The following DPYSL5 variants were observed in gnomAD, a reference collection of about 807,000 sequenced individuals.
The protein encoded by DPYSL5 is dihydropyrimidinase like 5, also known as dihydropyrimidinase-related protein 5.
DPYSL5 carries 9 observed loss-of-function variants against 58.4 expected under a neutral mutation model. The observed-to-expected ratio is 0.15, with a 90% confidence interval of 0.09 to 0.27. The LOEUF (loss-of-function observed/expected upper bound fraction) is 0.27, where lower values mean the gene tolerates loss of function less well. Among genes scored for constraint, DPYSL5 ranks in the 10% least tolerant of loss-of-function variants. The probability of loss-of-function intolerance (pLI) is 1.00; values close to 1 mark genes in which losing one functional copy is unlikely to be tolerated. For synonymous variants in DPYSL5, 293 were observed against 301.9 expected (o/e 0.97, Z 0.31); for missense variants, 499 against 770.6 (o/e 0.65, Z 4.17).
chr2:26,853,385 T>C (rs1665802156), intron 1 of DPYSL5, among the ~76,000 whole-genome samples: 1 of 152,194 alleles, frequency 6.6e-6, no homozygotes, highest in Non-Finnish European at 1.5e-5. Flanking sequence ...AGTTATTTAT[T>C]TCACAAACAC....
At chr2:26,941,453 T>C (rs1025719642) in intron 9 of DPYSL5, among the ~76,000 whole-genome samples, 8 of 152,214 alleles carry the variant, frequency 5.3e-5, no homozygotes, top group Non-Finnish European at 1.0e-4. Context: ...AGATCTAAAA[T>C]AGTATGAGCC....
At chr2:26,862,020 A>G (rs1666029418) in intron 1 of DPYSL5, among the ~76,000 whole-genome samples, 1 of 152,226 alleles carries the variant, frequency 6.6e-6, no homozygotes, top group South Asian at 2.1e-4. Flanking sequence ...GAGAGCCTGC[A>G]ACCATGTGGA....
chr2:26,890,455 CG>C (rs1473680505), intron 1 of DPYSL5, among the ~76,000 whole-genome samples: 1 of 152,340 alleles, frequency 6.6e-6, no homozygotes, highest in African/African-American at 2.4e-5. Context: ...CAAGCCAGTG[CG>C]GGCTTAGAGG....
At chr2:26,937,789 G>A (rs1665219318) in intron 8 of DPYSL5, among the ~76,000 whole-genome samples, 1 of 150,844 alleles carries the variant, frequency 6.6e-6, no homozygotes, top group Non-Finnish European at 1.5e-5. Context: ...TTGAGCCAGG[G>A]TCTCACTCTG....
At chr2:26,912,686 G>A (rs1209965998) in intron 2 of DPYSL5, among the ~76,000 whole-genome samples, 2 of 152,212 alleles carry the variant, frequency 1.3e-5, no homozygotes, top group Non-Finnish European at 2.9e-5. Flanking sequence ...GCTCCGTACT[G>A]TGGCTTTGTA....
Position 26,924,616 on chromosome 2 carries a change from A to G in DPYSL5, c.262-271A>G, listed in dbSNP as rs1173322004. 6.6e-6 allele frequency among the ~76,000 whole-genome samples: 1 copy of G among 152,148 alleles called. No individual in the cohort carries two copies. The highest frequency in any genetic ancestry group is 2.4e-5 in the African/African-American group (1 of 41,434). On this transcript the variant is annotated intron_variant, in intron 2 of 12. Transcript: ENST00000288699. The surrounding 1 kb of genome is among the most constrained non-coding windows in gnomAD (Gnocchi z 4.7). Reference sequence around the variant, plus strand: ...GGGAAGATAGGCCTTAGGTCGGGTGACCCACGATGTGGTTTTTCCAGCGCG... The same window carrying G: ...GGGAAGATAGGCCTTAGGTCGGGTGGCCCACGATGTGGTTTTTCCAGCGCG...
chr2:26,860,140 T>A (rs1002300858), intron 1 of DPYSL5, among the ~76,000 whole-genome samples: 6 of 152,116 alleles, frequency 3.9e-5, no homozygotes, highest in Non-Finnish European at 8.8e-5. Flanking sequence ...GTGCACTGAG[T>A]CTGGTGGGAG....
rs1325800916 is a variant in DPYSL5, at chr2:26,949,082, T to C, written c.*2087T>C. ...CAACCTTGGCTATCTACCCCACCTGTGGAGAGGAGGTCTGGGGTGACATCT... is the reference window on the plus strand; with the variant it reads ...CAACCTTGGCTATCTACCCCACCTGCGGAGAGGAGGTCTGGGGTGACATCT... On this transcript the variant is annotated 3_prime_UTR_variant, in exon 13 of 13. Coordinates refer to ENST00000288699, the MANE Select transcript of DPYSL5 (RefSeq NM_020134.4). 1 of 152,138 alleles carries C rather than the reference T, an allele frequency of 6.6e-6. No homozygotes were observed. The highest frequency in any genetic ancestry group is 2.4e-5 in the African/African-American group (1 of 41,428). The allele number at this position is 152,138 out of a possible 1,614,324, so 9.4% of individuals were successfully genotyped here.
At chr2:26,918,480 TTTTC>T (rs1397197970) in intron 2 of DPYSL5, among the ~76,000 whole-genome samples, 5 of 126,010 alleles carry the variant, frequency 4.0e-5, no homozygotes, top group East Asian at 2.2e-4. Context: ...TATTTTTTTT[TTTTC>T]CTCTGGTACT....
intron 2 of DPYSL5, among the ~76,000 whole-genome samples, chr2:26,902,245 G>T (rs1230811411): frequency 2.0e-5 from 3 of 151,996 alleles, no homozygotes. Flanking sequence ...GTCTGGTTGT[G>T]GGGTCTCATA....
At chr2:26,918,173 A>C (rs993712498) in intron 2 of DPYSL5, among the ~76,000 whole-genome samples, 6 of 142,178 alleles carry the variant, frequency 4.2e-5, no homozygotes, top group Non-Finnish European at 9.2e-5. Flanking sequence ...GCAAGTGCAG[A>C]GCCCTTCTAA....
At chr2:26,908,079 T>C (rs1449995586) in intron 2 of DPYSL5, among the ~76,000 whole-genome samples, 3 of 152,220 alleles carry the variant, frequency 2.0e-5, no homozygotes, top group Non-Finnish European at 4.4e-5. Context: ...AAAGTGCTAA[T>C]TGAGTTATTA....
chr2:26,946,940 G>C lies in DPYSL5; in HGVS notation c.1640G>C (p.Arg547Pro). ...GSQIDDHVPK[R>P]ASARILAPPG... ...CAGATCGATGACCATGTTCCAAAGC[G>C]AGCTTCAGCTCGGATCCTCGCTCCT... The change falls in exon 13 of 13, where the codon CGA (arginine) becomes CCA (proline). Residue 547 changes from arginine to proline, a missense_variant. Arg to Pro is a moderately radical substitution (Grantham distance 103, BLOSUM62 -2). Coordinates refer to ENST00000288699, the MANE Select transcript of DPYSL5 (RefSeq NM_020134.4). The C allele has an allele frequency of 1.2e-6, 2 of 1,614,144 alleles. No individual in the cohort carries two copies. The highest frequency in any genetic ancestry group is 1.7e-6 in the Non-Finnish European group (2 of 1,179,958).
In DPYSL5 at chr2:26,947,112, C is replaced by A; in HGVS notation, c.*117C>A. 2 of 796,296 alleles carry A rather than the reference C, an allele frequency of 2.5e-6. No homozygotes were observed. The highest frequency in any genetic ancestry group is 4.1e-6 in the Non-Finnish European group (2 of 487,882). The allele number at this position is 796,296 out of a possible 1,614,324, so 49.3% of individuals were successfully genotyped here. A position where few individuals can be genotyped will look rare whatever the true frequency, so the allele number is the denominator to read the frequency against. On this transcript the variant is annotated 3_prime_UTR_variant, in exon 13 of 13. Transcript: ENST00000288699. The surrounding 1 kb of genome is among the most constrained non-coding windows in gnomAD (Gnocchi z 4.2). ...GGGTGGCACACCACCCGAGGGGGGC[C>A]CCGGGACCCACGGAGCCCTCCCTAT...
At chr2:26,869,837 C>G (rs1048591795) in intron 1 of DPYSL5, among the ~76,000 whole-genome samples, 2 of 152,050 alleles carry the variant, frequency 1.3e-5, no homozygotes, top group African/African-American at 4.8e-5. Flanking sequence ...CGGTGAAATG[C>G]CGTCTCTACT....
rs933359536 is a variant in DPYSL5 at position 26,934,311 on chromosome 2, C to T, written c.791-267C>T. 1.3e-5 allele frequency among the ~76,000 whole-genome samples: 2 copies of T among 152,222 alleles called. No homozygotes were observed. The highest frequency in any genetic ancestry group is 6.5e-5 in the Admixed American group (1 of 15,290). On this transcript the variant is annotated intron_variant, in intron 7 of 12. Coordinates refer to ENST00000288699, the MANE Select transcript of DPYSL5 (RefSeq NM_020134.4). This position sits in a 1 kb window ranked among gnomAD's most constrained non-coding sequence, Gnocchi z 4.3. Reference sequence around the variant, plus strand: ...ACCCTGCACACACCAGTGCTCTGGTCATCTGGCCAAACCAGACTCCTCAAA... The same window carrying T: ...ACCCTGCACACACCAGTGCTCTGGTTATCTGGCCAAACCAGACTCCTCAAA...
intron 9 of DPYSL5, 28 bp downstream of exon 9, chr2:26,940,200 C>G (rs1386835813): frequency 1.2e-6 from 2 of 1,610,752 alleles, no homozygotes; most frequent in East Asian, 4.5e-5. Flanking sequence ...CCGCCCCGAT[C>G]TGATCCCTGC....
intron 2 of DPYSL5, among the ~76,000 whole-genome samples, chr2:26,902,965 C>T (rs1558338700): frequency 6.6e-6 from 1 of 152,110 alleles, no homozygotes; most frequent in Non-Finnish European, 1.5e-5. Flanking sequence ...TAATCCACCC[C>T]TTGTTTAGCA....
chr2:26,866,449 T>A (rs768807996), intron 1 of DPYSL5, among the ~76,000 whole-genome samples: 2 of 151,380 alleles, frequency 1.3e-5, no homozygotes, highest in Non-Finnish European at 2.9e-5. Context: ...GTGACCACCT[T>A]TCATGCATCT....
Sources: allele counts gnomAD v4.1 joint callset (sites outside exome capture counted in the v4.1 genomes callset), GRCh38; gene constraint gnomAD v4.1.1; non-coding constraint Gnocchi (gnomAD v3.1); transcripts MANE v1.5; gene names NCBI Gene and HGNC (gene_info 2026-07-23, HGNC 2026-07-21).